The following SLC24A3 variants were observed in gnomAD, a reference collection of about 807,000 sequenced individuals.
SLC24A3 encodes sodium/potassium/calcium exchanger 3.
A neutral mutation model predicts 75.8 loss-of-function variants in SLC24A3; 28 were observed. The ratio of observed to expected loss-of-function variants is 0.37; its 90% CI spans 0.27 to 0.51. SLC24A3 has a LOEUF of 0.51. SLC24A3 is among the 20% of genes least tolerant of loss of function. The pLI, the probability that SLC24A3 is intolerant of heterozygous loss-of-function variation, is 0.94. For synonymous variants in SLC24A3, 372 were observed against 334.1 expected, an observed-to-expected ratio of 1.11 and a Z score of -1.24; for missense variants, 663 against 847.8, an observed-to-expected ratio of 0.78 and a Z score of 2.71.
intron 2 of SLC24A3, among the ~76,000 whole-genome samples, chr20:19,446,642 T>C (rs1278716070): frequency 1.3e-5 from 2 of 152,200 alleles, no homozygotes; most frequent in East Asian, 3.9e-4. Context: ...TCTTCCAGAA[T>C]GTCTGCCTAC....
At chr20:19,368,361 G>A (rs912989264) in intron 2 of SLC24A3, among the ~76,000 whole-genome samples, 4 of 152,202 alleles carry the variant, frequency 2.6e-5, no homozygotes, top group Non-Finnish European at 5.9e-5. Context: ...ACTGCCCTGG[G>A]ACCCTCGTGC....
intron 2 of SLC24A3, among the ~76,000 whole-genome samples, chr20:19,335,976 T>G (rs1985122298): frequency 6.6e-6 from 1 of 152,232 alleles, no homozygotes; most frequent in African/African-American, 2.4e-5. Flanking sequence ...GGGTCTTTCT[T>G]AACACAACAT....
intron 1 of SLC24A3, among the ~76,000 whole-genome samples, chr20:19,232,986 C>T (rs184573639): frequency 5.9e-5 from 9 of 152,210 alleles, no homozygotes; most frequent in Admixed American, 2.6e-4. Flanking sequence ...CCCCCAAGAG[C>T]GTTATTAGTA....
intron 2 of SLC24A3, among the ~76,000 whole-genome samples, chr20:19,314,273 A>ATTTT (rs1568586610): frequency 6.5e-5 from 8 of 123,534 alleles, no homozygotes; most frequent in East Asian, 2.2e-4. Context: ...TTTTGTTTTT[A>ATTTT]TTTATTTATT....
At chr20:19,268,215 G>T (rs542230750) in intron 1 of SLC24A3, among the ~76,000 whole-genome samples, 2 of 152,312 alleles carry the variant, frequency 1.3e-5, no homozygotes, top group East Asian at 3.9e-4. Context: ...GGCAACAGGT[G>T]CACTTCTATT....
chr20:19,485,942 T>C (rs753924383), intron 2 of SLC24A3, among the ~76,000 whole-genome samples: 1 of 152,204 alleles, frequency 6.6e-6, no homozygotes, highest in Non-Finnish European at 1.5e-5. Context: ...AGGTGGTCCA[T>C]TGAGGGCCTT....
chr20:19,446,208 G>C (rs1328632524), intron 2 of SLC24A3, among the ~76,000 whole-genome samples: 1 of 152,186 alleles, frequency 6.6e-6, no homozygotes, highest in African/African-American at 2.4e-5. Flanking sequence ...AACTTTTAGA[G>C]GGCAATGTAT....
rs541941140 is a variant in SLC24A3, at chr20:19,383,572, G to T, written c.271+102485G>T. Among the ~76,000 whole-genome samples, 9 of 152,264 alleles carry T rather than the reference G, an allele frequency of 5.9e-5. No individual in the cohort carries two copies. The South Asian group carries it at 1.9e-3, about 32-fold the overall frequency. Reference sequence around the variant, plus strand: ...CGTGCTTGACCCTGAGAGGACTGAGGAATGTGGGGTTGGGGGCTCAGCCTC... The same window carrying T: ...CGTGCTTGACCCTGAGAGGACTGAGTAATGTGGGGTTGGGGGCTCAGCCTC... On this transcript the variant is annotated intron_variant, in intron 2 of 16. Coordinates refer to ENST00000328041, the MANE Select transcript of SLC24A3 (RefSeq NM_020689.4).
At chr20:19,335,548 A>T (rs1352393140) in intron 2 of SLC24A3, among the ~76,000 whole-genome samples, 6 of 152,194 alleles carry the variant, frequency 3.9e-5, no homozygotes, top group Non-Finnish European at 8.8e-5. Flanking sequence ...AAGGCTGCTC[A>T]GGTAAATATT....
intron 2 of SLC24A3, among the ~76,000 whole-genome samples, chr20:19,311,731 G>A (rs749204100): frequency 3.3e-5 from 5 of 152,166 alleles, no homozygotes; most frequent in Non-Finnish European, 7.3e-5. Flanking sequence ...AAGATAGCCT[G>A]TTAGTAACAA....
chr20:19,268,569 A>G (rs1983233967), intron 1 of SLC24A3, among the ~76,000 whole-genome samples: 1 of 152,240 alleles, frequency 6.6e-6, no homozygotes, highest in Non-Finnish European at 1.5e-5. Context: ...AACTTCTCCA[A>G]CAGCTTAAAG....
At chr20:19,609,800 G>A (rs926236623) in intron 6 of SLC24A3, among the ~76,000 whole-genome samples, 4 of 152,260 alleles carry the variant, frequency 2.6e-5, no homozygotes, top group South Asian at 2.1e-4. Context: ...TAAATAATGG[G>A]AGAAGTGTCT....
chr20:19,640,333 A>G (rs2032061432), intron 6 of SLC24A3, among the ~76,000 whole-genome samples: 1 of 152,354 alleles, frequency 6.6e-6, no homozygotes, highest in South Asian at 2.1e-4. Flanking sequence ...AAAAGGAGAA[A>G]TTTTAAGAAT....
At chr20:19,611,261 G>A (rs2031668092) in intron 6 of SLC24A3, among the ~76,000 whole-genome samples, 1 of 152,194 alleles carries the variant, frequency 6.6e-6, no homozygotes, top group Admixed American at 6.5e-5. Context: ...CATCTCCACT[G>A]CAAGATTCCT....
At chr20:19,705,967 G>A (rs2032925702) in intron 15 of SLC24A3, among the ~76,000 whole-genome samples, 1 of 152,192 alleles carries the variant, frequency 6.6e-6, no homozygotes, top group East Asian at 1.9e-4. Context: ...ATGAACGTCT[G>A]TTCCACAAGC....
At chr20:19,568,756 T>G (rs547320104) in intron 3 of SLC24A3, among the ~76,000 whole-genome samples, 1 of 152,340 alleles carries the variant, frequency 6.6e-6, no homozygotes, top group South Asian at 2.1e-4. Flanking sequence ...AATTATGTTA[T>G]GCCTATTTTA....
At chr20:19,719,231 T>C (rs115344646) in intron 16 of SLC24A3, among the ~76,000 whole-genome samples, 2,059 of 151,578 alleles carry the variant, frequency 0.014, 56 homozygotes, top group African/African-American at 0.047. Context: ...AGGAGAGAGA[T>C]TGGAGACCGT....
At chr20:19,508,450 T>G (rs1158171118) in intron 2 of SLC24A3, among the ~76,000 whole-genome samples, 1 of 152,120 alleles carries the variant, frequency 6.6e-6, no homozygotes, top group Non-Finnish European at 1.5e-5. Context: ...CCTGCTCCAT[T>G]TGATCAATAT....
chr20:19,462,949 C>T (rs1373202561), intron 2 of SLC24A3, among the ~76,000 whole-genome samples: 1 of 152,208 alleles, frequency 6.6e-6, no homozygotes, highest in Non-Finnish European at 1.5e-5. Flanking sequence ...GATTCTGTTT[C>T]TAAGTGCCTG....
Sources: allele counts gnomAD v4.1 joint callset (sites outside exome capture counted in the v4.1 genomes callset), GRCh38; gene constraint gnomAD v4.1.1; transcripts MANE v1.5; gene names NCBI Gene and HGNC (gene_info 2026-07-23, HGNC 2026-07-21).